TTC28: variants seen among roughly 807,000 people sequenced by gnomAD.
TTC28 encodes the protein tetratricopeptide repeat domain 28, also known as tetratricopeptide repeat protein 28.
In TTC28, 61 loss-of-function variants were observed where a neutral mutation model predicts 198.0. That is an observed-to-expected ratio of 0.31 (90% CI 0.25 to 0.38). The LOEUF is 0.38. Among genes scored for constraint, TTC28 ranks in the 10% least tolerant of loss-of-function variants. The pLI is 1.00. For synonymous variants in TTC28, 1,171 were observed against 1,297.8 expected, an observed-to-expected ratio of 0.90 and a Z score of 2.10; for missense variants, 2,678 against 3,164.0, an observed-to-expected ratio of 0.85 and a Z score of 3.69.
chr22:28,408,169 C>T (rs2047028588), intron 2 of TTC28, among the ~76,000 whole-genome samples: 1 of 151,506 alleles, frequency 6.6e-6, no homozygotes, highest in African/African-American at 2.4e-5. Flanking sequence ...GAAAAAAAAA[C>T]AATAAATAAC....
At chr22:28,440,418 A>G (rs1302691784) in intron 2 of TTC28, among the ~76,000 whole-genome samples, 1 of 152,190 alleles carries the variant, frequency 6.6e-6, no homozygotes, top group East Asian at 1.9e-4. Context: ...TAAGCAGAGA[A>G]AAGAGAGGAG....
chr22:28,274,730 C>T (rs1413807874), intron 5 of TTC28, among the ~76,000 whole-genome samples: 1 of 152,104 alleles, frequency 6.6e-6, no homozygotes, highest in African/African-American at 2.4e-5. Flanking sequence ...CCTGTAATCC[C>T]AGCACTTTGG....
chr22:28,466,546 T>C (rs947603815), intron 2 of TTC28, among the ~76,000 whole-genome samples: 3 of 152,186 alleles, frequency 2.0e-5, no homozygotes, highest in African/African-American at 7.2e-5. Flanking sequence ...GAAATGTGAC[T>C]TGGCACTAAG....
chr22:28,542,702 A>T (rs1409615303), intron 2 of TTC28, among the ~76,000 whole-genome samples: 1 of 152,158 alleles, frequency 6.6e-6, no homozygotes, highest in Non-Finnish European at 1.5e-5. Flanking sequence ...AGGAATAAAC[A>T]CGTAAGAGAT....
rs1284682575 is a variant in TTC28, at chr22:28,570,684, CTAAAA to C, written c.381+58863_381+58867del. Among the ~76,000 whole-genome samples, 5 of 152,014 alleles carry C rather than the reference CTAAAA, an allele frequency of 3.3e-5. No homozygotes were observed. In the East Asian group the frequency reaches 5.8e-4, roughly 18 times the overall value. On this transcript the variant is annotated intron_variant, in intron 2 of 22. Coordinates refer to ENST00000397906, the MANE Select transcript of TTC28 (RefSeq NM_001145418.2). ...ACCCATGTAACATGTACCCCCAATC[CTAAAA>C]TAAAAGTTGGAAAGAAAAAAACTTT...
intron 1 of TTC28, among the ~76,000 whole-genome samples, chr22:28,633,061 C>T (rs183994312): frequency 2.6e-5 from 4 of 151,900 alleles, no homozygotes; most frequent in Admixed American, 1.3e-4. Context: ...GGGCGGATCA[C>T]CTGAGGTCAG....
chr22:28,200,374 C>A (rs1925817501), intron 5 of TTC28, among the ~76,000 whole-genome samples: 1 of 152,060 alleles, frequency 6.6e-6, no homozygotes, highest in South Asian at 2.1e-4. Flanking sequence ...TTTTGCTTTA[C>A]AAATTTCCTA....
intron 5 of TTC28, among the ~76,000 whole-genome samples, chr22:28,198,210 T>C (rs1260557257): frequency 1.3e-5 from 2 of 152,134 alleles, no homozygotes; most frequent in African/African-American, 4.8e-5. Flanking sequence ...TGGGAGGCTA[T>C]TCTGCGCCTT....
intron 5 of TTC28, among the ~76,000 whole-genome samples, chr22:28,250,585 C>T (rs975926802): frequency 6.6e-6 from 1 of 152,096 alleles, no homozygotes; most frequent in Non-Finnish European, 1.5e-5. Context: ...TATGTATATC[C>T]TCCCTCCCTT....
chr22:28,656,013 T>C (rs983965455), intron 1 of TTC28, among the ~76,000 whole-genome samples: 1 of 152,170 alleles, frequency 6.6e-6, no homozygotes, highest in African/African-American at 2.4e-5. Flanking sequence ...TAAAATGTAA[T>C]ACAAGAATTT....
At chr22:28,586,151 C>A (rs1292348167) in intron 2 of TTC28, among the ~76,000 whole-genome samples, 1 of 151,508 alleles carries the variant, frequency 6.6e-6, no homozygotes, top group African/African-American at 2.4e-5. Context: ...TGGTGGTGGG[C>A]GCCTGTAGTC....
chr22:28,360,987 A>G (rs1341538983), intron 2 of TTC28, among the ~76,000 whole-genome samples: 1 of 152,222 alleles, frequency 6.6e-6, no homozygotes, highest in Non-Finnish European at 1.5e-5. Flanking sequence ...TGGCAAACTT[A>G]GTCAATACAT....
chr22:28,054,061 AC>A (rs1940184032), intron 12 of TTC28, among the ~76,000 whole-genome samples: 1 of 152,080 alleles, frequency 6.6e-6, no homozygotes, highest in Non-Finnish European at 1.5e-5. Context: ...TAGAATAACA[AC>A]CCCATATGGG....
intron 5 of TTC28, among the ~76,000 whole-genome samples, chr22:28,280,180 T>TTG (rs965217784): frequency 6.6e-6 from 1 of 152,178 alleles, no homozygotes; most frequent in African/African-American, 2.4e-5. Context: ...TCCAACATAG[T>TTG]TGTACCATTT....
chr22:27,991,100 G>A (rs565142422), intron 19 of TTC28, among the ~76,000 whole-genome samples: 13 of 152,136 alleles, frequency 8.5e-5, no homozygotes, highest in Non-Finnish European at 1.5e-4. Flanking sequence ...CACAGCGGGC[G>A]TTTGTAGCCA....
At chr22:28,227,651 C>A (rs1928446948) in intron 5 of TTC28, among the ~76,000 whole-genome samples, 1 of 150,898 alleles carries the variant, frequency 6.6e-6, no homozygotes, top group Non-Finnish European at 1.5e-5. Context: ...AAATGCAAAT[C>A]AAAACCACAA....
intron 10 of TTC28, among the ~76,000 whole-genome samples, chr22:28,097,587 G>C (rs1942015338): frequency 6.6e-6 from 1 of 152,262 alleles, no homozygotes; most frequent in South Asian, 2.1e-4. Context: ...AAAATGTAAA[G>C]GAATTGTTTA....
At chr22:28,243,055 G>A (rs1929775730) in intron 5 of TTC28, among the ~76,000 whole-genome samples, 1 of 148,418 alleles carries the variant, frequency 6.7e-6, no homozygotes, top group African/African-American at 2.5e-5. Context: ...AAAAAAAACT[G>A]GGCCAGGCGC....
intron 5 of TTC28, among the ~76,000 whole-genome samples, chr22:28,177,925 T>C (rs1923318997): frequency 1.3e-5 from 2 of 152,128 alleles, no homozygotes; most frequent in South Asian, 4.1e-4. Flanking sequence ...ACTGGACACA[T>C]GACATTATAA....
Sources: allele counts gnomAD v4.1 joint callset (sites outside exome capture counted in the v4.1 genomes callset), GRCh38; gene constraint gnomAD v4.1.1; transcripts MANE v1.5; gene names NCBI Gene and HGNC (gene_info 2026-07-23, HGNC 2026-07-21).